The following FAM184A variants were observed in gnomAD, a reference collection of about 807,000 sequenced individuals.
FAM184A encodes family with sequence similarity 184 member A.
In FAM184A, 99 loss-of-function variants were observed where a neutral mutation model predicts 143.8. That is an observed-to-expected ratio of 0.69 (90% confidence interval 0.58 to 0.81). The LOEUF (loss-of-function observed/expected upper bound fraction) is 0.81. Among genes scored for constraint, FAM184A ranks in the 40% least tolerant of loss-of-function variants. The pLI, the probability that FAM184A is intolerant of heterozygous loss-of-function variation, is 0.00. For missense variants in FAM184A, 1,217 were observed against 1,310.5 expected, an observed-to-expected ratio of 0.93 and a Z score of 1.10; for synonymous variants, 427 against 446.4, an observed-to-expected ratio of 0.96 and a Z score of 0.55.
chr6:119,071,190 G>A (rs959136422), intron 1 of FAM184A, among the ~76,000 whole-genome samples: 1 of 152,048 alleles, frequency 6.6e-6, no homozygotes, highest in Non-Finnish European at 1.5e-5. Context: ...TTTTAAGACT[G>A]GTGATTAGAG....
chr6:119,086,971 A>G (rs1253896194), intron 1 of FAM184A, among the ~76,000 whole-genome samples: 1 of 150,922 alleles, frequency 6.6e-6, no homozygotes, highest in African/African-American at 2.4e-5. Context: ...AGGCTGAGGA[A>G]CAGAGAGCTG....
intron 1 of FAM184A, among the ~76,000 whole-genome samples, chr6:119,049,633 G>T (rs1786670137): frequency 6.6e-6 from 1 of 152,192 alleles, no homozygotes; most frequent in Non-Finnish European, 1.5e-5. Context: ...CTAGCCATAT[G>T]TAGAAGATTG....
At chr6:119,001,355 C>G (rs1043034444) in intron 9 of FAM184A, among the ~76,000 whole-genome samples, 9 of 151,766 alleles carry the variant, frequency 5.9e-5, no homozygotes, top group Non-Finnish European at 1.0e-4. Context: ...CATGGAGCAT[C>G]ACAGAATAGT....
In FAM184A at chr6:118,975,875, C is replaced by G. The variant is rs781530351; in HGVS notation, c.2583+42G>C. 4 of 1,575,634 alleles carry G rather than the reference C, an allele frequency of 2.5e-6. No individual in the cohort carries two copies. In the South Asian group the frequency reaches 4.6e-5, roughly 18 times the overall value. Reference sequence around the variant, plus strand: ...GGAAATTATGAACATTCAATCTATTCAAATTTAAGAAATCATCAGAGTACA... The same window carrying G: ...GGAAATTATGAACATTCAATCTATTGAAATTTAAGAAATCATCAGAGTACA... On this transcript the variant is annotated intron_variant, in intron 12 of 17. Coordinates refer to ENST00000338891, the MANE Select transcript of FAM184A (RefSeq NM_024581.6).
intron 9 of FAM184A, among the ~76,000 whole-genome samples, chr6:119,002,375 T>C (rs1784790941): frequency 6.6e-6 from 1 of 152,108 alleles, no homozygotes. Flanking sequence ...GTTATGGAAA[T>C]AAGCAAGCAT....
At chr6:119,013,114 A>G (rs1403452718) in intron 5 of FAM184A, among the ~76,000 whole-genome samples, 1 of 152,176 alleles carries the variant, frequency 6.6e-6, no homozygotes, top group Non-Finnish European at 1.5e-5. Flanking sequence ...TGATAAAAAA[A>G]AAAAGAAGGG....
chr6:119,146,239 A>T lies in FAM184A; in HGVS notation c.-202+2839T>A, dbSNP rs9489604. On this transcript the variant is annotated intron_variant, in intron 1 of 16. Transcript: ENST00000352896. The stretch of plus-strand genomic sequence containing the variant: ...AAACATTGAGGAACTATGTAGGCTG[A>T]GTATAGATATGGCCAAAATTAATGA... Among the ~76,000 whole-genome samples the T allele has an allele frequency of 8.3e-3, 1,261 of 152,298 alleles. 28 individuals carry two copies. The highest frequency in any genetic ancestry group is 0.029 in the African/African-American group (1,198 of 41,550).
At chr6:119,106,909 A>G (rs1788802268) in intron 1 of FAM184A, among the ~76,000 whole-genome samples, 1 of 152,222 alleles carries the variant, frequency 6.6e-6, no homozygotes, top group African/African-American at 2.4e-5. Flanking sequence ...GAAGACAGAG[A>G]TTGGTAATTA....
chr6:118,989,732 G>A (rs903107119), intron 9 of FAM184A, among the ~76,000 whole-genome samples: 2 of 151,606 alleles, frequency 1.3e-5, no homozygotes, highest in East Asian at 1.9e-4. Context: ...ATACAATAAT[G>A]AGAGACAACT....
chr6:118,999,348 C>T (rs1390850517), intron 9 of FAM184A, among the ~76,000 whole-genome samples: 5 of 152,110 alleles, frequency 3.3e-5, no homozygotes, highest in Non-Finnish European at 7.4e-5. Flanking sequence ...ATGTTATTCT[C>T]TTTTCCACAA....
chr6:119,077,181 A>G (rs1787903840), intron 1 of FAM184A, among the ~76,000 whole-genome samples: 1 of 152,074 alleles, frequency 6.6e-6, no homozygotes, highest in African/African-American at 2.4e-5. Flanking sequence ...CAGCAATGGG[A>G]TTATGTGAGA....
intron 1 of FAM184A, among the ~76,000 whole-genome samples, chr6:119,058,175 CTTTTTTTTT>C (rs5879483): frequency 5.6e-5 from 5 of 89,716 alleles, no homozygotes; most frequent in Admixed American, 2.4e-4. Context: ...CTCCTTCTCT[CTTTTTTTTT>C]TTTTTTTTTT....
At chr6:119,084,393 C>A (rs963449044) in intron 1 of FAM184A, among the ~76,000 whole-genome samples, 1 of 152,220 alleles carries the variant, frequency 6.6e-6, no homozygotes, top group Non-Finnish European at 1.5e-5. Context: ...GTCATTAAAT[C>A]TTAAAGCTCC....
intron 1 of FAM184A, among the ~76,000 whole-genome samples, chr6:119,054,534 C>T (rs1432274125): frequency 6.6e-6 from 1 of 152,166 alleles, no homozygotes; most frequent in Admixed American, 6.5e-5. Context: ...GACCTTAGCA[C>T]CTCCTCAAGG....
intron 14 of FAM184A, among the ~76,000 whole-genome samples, chr6:118,972,789 C>T (rs1783734334): frequency 1.3e-5 from 2 of 152,186 alleles, no homozygotes; most frequent in African/African-American, 4.8e-5. Flanking sequence ...TATGTTTTTT[C>T]GGAGCATGAA....
chr6:119,130,415 A>G (rs1470059110), intron 1 of FAM184A, among the ~76,000 whole-genome samples: 2 of 152,234 alleles, frequency 1.3e-5, no homozygotes, highest in Non-Finnish European at 2.9e-5. Context: ...CCATAGTATC[A>G]AATACATTCT....
At chr6:119,022,249 T>C (rs780563710) in intron 3 of FAM184A, among the ~76,000 whole-genome samples, 9 of 151,660 alleles carry the variant, frequency 5.9e-5, no homozygotes, top group Non-Finnish European at 1.2e-4. Flanking sequence ...AGTAGAGATG[T>C]GGTTTCACCT....
intron 17 of FAM184A, chr6:118,960,987 C>A: frequency 8.9e-6 from 3 of 335,690 alleles, no homozygotes; most frequent in South Asian, 3.3e-5. Context: ...AACTATGTCA[C>A]TAATCACTTA....
chr6:118,966,755 C>T (rs1783513780), intron 15 of FAM184A, 80 bp downstream of exon 15: 5 of 622,048 alleles, frequency 8.0e-6, no homozygotes, highest in Non-Finnish European at 1.4e-5. Flanking sequence ...CTTAGCATTA[C>T]TTAAAAAGAT....
Sources: gnomAD v4.1 joint callset for allele counts (sites outside exome capture counted in the v4.1 genomes callset) on GRCh38, gnomAD v4.1.1 for gene constraint, MANE v1.5 for transcripts, NCBI Gene and HGNC (gene_info 2026-07-23, HGNC 2026-07-21) for gene names.